The following PPM1F variants were observed in gnomAD, a reference collection of about 807,000 sequenced individuals.
The protein encoded by PPM1F is protein phosphatase, Mg2+/Mn2+ dependent 1F, also known as protein phosphatase 1F.
In PPM1F, 17 loss-of-function variants were observed where a neutral mutation model predicts 35.5. That is an observed-to-expected ratio of 0.48 (90% CI 0.33 to 0.72). The LOEUF is 0.72. Among genes scored for constraint, PPM1F ranks in the 30% least tolerant of loss-of-function variants. PPM1F has a pLI of 0.02. For missense variants in PPM1F, 521 were observed against 613.0 expected, an observed-to-expected ratio of 0.85 and a Z score of 1.59; for synonymous variants, 241 against 255.5, an observed-to-expected ratio of 0.94 and a Z score of 0.54.
At chr22:21,933,643 C>T (rs1379931404) in intron 4 of PPM1F, 64 bp from the exon 5 acceptor site, 13 of 1,440,434 alleles carry the variant, frequency 9.0e-6, no homozygotes, top group Admixed American at 1.8e-5. Context: ...TGGGGCGTGG[C>T]GCCAGGCACT....
At chr22:21,926,827 C>A (rs1174972194) in intron 6 of PPM1F, among the ~76,000 whole-genome samples, 1 of 152,168 alleles carries the variant, frequency 6.6e-6, no homozygotes, top group Non-Finnish European at 1.5e-5. Context: ...ATGGTGTCCC[C>A]TAGACAGATT....
chr22:21,939,873 T>C lies in PPM1F; in HGVS notation c.207-193A>G, dbSNP rs1466064313. Among the ~76,000 whole-genome samples the C allele has an allele frequency of 2.0e-5, 3 of 152,166 alleles. No individual in the cohort carries two copies. Among genetic ancestry groups the C allele is most frequent in the African/African-American group, 4.8e-5 (2 of 41,426 alleles). ...AACCATCTGGTGGGGAGCTGGACCA[T>C]ACTTGAGCCTGCGGCTAGTTGGGAG... On this transcript the variant is annotated intron_variant, in intron 2 of 7. Transcript: ENST00000263212. This position sits in a 1 kb window ranked among gnomAD's most constrained non-coding sequence, Gnocchi z 5.1.
intron 7 of PPM1F, 160 bp downstream of exon 7, chr22:21,925,409 C>T: frequency 8.0e-6 from 5 of 621,960 alleles, no homozygotes; most frequent in Non-Finnish European, 1.5e-5. Flanking sequence ...TGAATCTGCC[C>T]TGTTCCCTTC....
At chr22:21,933,613 G>A (rs747135166) in intron 4 of PPM1F, 34 bp from the exon 5 acceptor site, 20 of 1,582,130 alleles carry the variant, frequency 1.3e-5, no homozygotes, top group South Asian at 7.9e-5. Flanking sequence ...ACAGACCCGC[G>A]GGACCCAGGG....
At chr22:21,937,992 T>C (rs966258507) in intron 3 of PPM1F, 3 of 916,270 alleles carry the variant, frequency 3.3e-6, no homozygotes, top group South Asian at 1.7e-5. Flanking sequence ...TAAGAATGGC[T>C]TGGAGTCCAA....
chr22:21,942,231 A>G (rs1041342785), intron 2 of PPM1F: 2 of 150,806 alleles, frequency 1.3e-5, no homozygotes, highest in Non-Finnish European at 2.9e-5. Context: ...CAAGGTATCT[A>G]CTGATGGTCT....
At position 21,923,253 on chromosome 22, in the gene PPM1F, A is replaced by G; in HGVS notation, c.1204T>C (p.Ser402Pro). ...ELVAAARERG[S>P]HDNITVMVVF... Reference sequence around the variant, plus strand: ...ACCATGACCGTGATGTTGTCGTGGGAGCCCCGCTCCCGGGCCGCAGCCACC... The same window carrying G: ...ACCATGACCGTGATGTTGTCGTGGGGGCCCCGCTCCCGGGCCGCAGCCACC... Residue 402 changes from serine (S) to proline (P), a missense_variant, in exon 8 of 8, where the codon TCC (serine) becomes CCC (proline). By Grantham distance (74) the Ser-to-Pro change is moderately conservative. This residue lies in a region of PPM1F where 163 missense variants were observed against 169.6 expected (regional missense o/e 0.96). Coordinates refer to ENST00000263212, the MANE Select transcript of PPM1F (RefSeq NM_014634.4). The G allele has an allele frequency of 6.2e-7, 1 of 1,612,726 alleles. No homozygotes were observed. The highest frequency in any genetic ancestry group is 8.5e-7 in the Non-Finnish European group (1 of 1,179,784).
In PPM1F at chr22:21,938,249, G is replaced by A. The variant is rs762233381; in HGVS notation, c.355+1283C>T. On this transcript the variant is annotated intron_variant, in intron 3 of 7. Transcript: ENST00000263212. ...CGCGTGGACGGACAGAGACCCATCA[G>A]GCGGGGAGGGCCTGGGCGGTGGCGG... 6.8e-5 allele frequency: 88 copies of A among 1,299,804 alleles called. No homozygotes were observed. In the Middle Eastern group the frequency reaches 9.3e-4, roughly 14 times the overall value. The allele number at this position is 1,299,804 out of a possible 1,614,324, so 80.5% of individuals were successfully genotyped here. A position where few individuals can be genotyped will look rare whatever the true frequency, so the allele number is the denominator to read the frequency against.
In PPM1F at chr22:21,934,199, C is replaced by T. The variant is rs1323390628; in HGVS notation, c.383G>A (p.Ser128Asn). The T allele has an allele frequency of 2.5e-6, 4 of 1,575,530 alleles. No homozygotes were observed. The highest frequency in any genetic ancestry group is 2.3e-5 in the East Asian group (1 of 43,314). ...GACTTCCCAAAGGCGGTTAAAGAAACTCTGTGCCAGGCTTTGGGCATCCAG... is the reference window on the plus strand; with the variant it reads ...GACTTCCCAAAGGCGGTTAAAGAAATTCTGTGCCAGGCTTTGGGCATCCAG... ...TLLDAQSLAQ[S>N]FFNRLWEVAG... The change falls in exon 4 of 8, where the codon AGT becomes AAT. Residue 128 changes from serine (S) to asparagine (N), a missense_variant. Transcript: ENST00000263212.
At chr22:21,928,083 C>A (rs2070542330) in intron 6 of PPM1F, among the ~76,000 whole-genome samples, 1 of 151,228 alleles carries the variant, frequency 6.6e-6, no homozygotes, top group Admixed American at 6.6e-5. Flanking sequence ...CTCCCGACTG[C>A]CCAGCGCCCA....
intron 2 of PPM1F, 52 bp downstream of exon 2, chr22:21,945,791 C>A: frequency 6.4e-7 from 1 of 1,570,266 alleles, no homozygotes; most frequent in South Asian, 1.1e-5. Flanking sequence ...CCCTTGTCGG[C>A]CCTGGTGCCG....
chr22:21,933,668 T>C, intron 4 of PPM1F, 89 bp from the exon 5 acceptor site: 1 of 1,248,786 alleles, frequency 8.0e-7, no homozygotes, highest in Non-Finnish European at 1.1e-6. Context: ...GGGTAGAGTC[T>C]GGGAGAATCA....
chr22:21,951,513 G>A (rs1466578727), intron 1 of PPM1F: 1 of 151,800 alleles, frequency 6.6e-6, no homozygotes, highest in African/African-American at 2.4e-5. Context: ...CTGCCACCAC[G>A]CGCGGCTAAT....
chr22:21,925,549 T>C lies in PPM1F; in HGVS notation c.985+20A>G. 2.5e-6 allele frequency: 4 copies of C among 1,611,242 alleles called. No individual in the cohort carries two copies. Among genetic ancestry groups the C allele is most frequent in the Non-Finnish European group, 3.4e-6 (4 of 1,177,658 alleles). Reference sequence around the variant, plus strand: ...TCCGAGAGACCTTCTCCCACTTGGGTCGGCCTCTTTGGCTCTCACCGATGG... The same window carrying C: ...TCCGAGAGACCTTCTCCCACTTGGGCCGGCCTCTTTGGCTCTCACCGATGG... On this transcript the variant is annotated intron_variant, in intron 7 of 7. Coordinates refer to ENST00000263212, the MANE Select transcript of PPM1F (RefSeq NM_014634.4).
At chr22:21,938,357 C>T (rs768513873) in intron 3 of PPM1F, 7 of 1,182,164 alleles carry the variant, frequency 5.9e-6, no homozygotes, top group Non-Finnish European at 7.5e-6. Flanking sequence ...GAACAATGGC[C>T]GCCTGTCACT....
Position 21,946,123 on chromosome 22 carries a change from C to CA in PPM1F, c.-60-16dup. 1.6e-6 allele frequency: 2 copies of CA among 1,269,280 alleles called. No homozygotes were observed. The highest frequency in any genetic ancestry group is 2.1e-6 in the Non-Finnish European group (2 of 944,664). The allele number at this position is 1,269,280 out of a possible 1,614,324, so 78.6% of individuals were successfully genotyped here. A position where few individuals can be genotyped will look rare whatever the true frequency, so the allele number is the denominator to read the frequency against. ...CAGGCTTCACCCTGGGGAGAAATGT[C>CA]AGAGTCAGCAGAATCAGGGGGCCAT... On this transcript the variant is annotated splice_polypyrimidine_tract_variant and intron_variant, in intron 1 of 7. Coordinates refer to ENST00000263212, the MANE Select transcript of PPM1F (RefSeq NM_014634.4).
rs16979617 is a variant in PPM1F, at chr22:21,919,648, C to T, written c.*3444G>A. 0.04 allele frequency: 6,123 copies of T among 152,410 alleles called. 175 individuals carry two copies. Among genetic ancestry groups the T allele is most frequent in the South Asian group, 0.099 (478 of 4,828 alleles). The allele number at this position is 152,410 out of a possible 1,614,324, so 9.4% of individuals were successfully genotyped here. A position where few individuals can be genotyped will look rare whatever the true frequency, so the allele number is the denominator to read the frequency against. ...GCACTGCACCGGAATGGCAGAGCTCCGTGCATTTGGCAAAGCTATGGAGCC... is the reference window on the plus strand; with the variant it reads ...GCACTGCACCGGAATGGCAGAGCTCTGTGCATTTGGCAAAGCTATGGAGCC... On this transcript the variant is annotated 3_prime_UTR_variant, in exon 8 of 8. Transcript: ENST00000263212.
rs115712281 is a variant in PPM1F at position 21,938,414 on chromosome 22, A to G, written c.355+1118T>C. ...TAAGGCAAGGCTGCGCTCCCAGGGA[A>G]TGCGGGCAGGGAGCCAGGGCGGAGG... is the stretch of plus-strand genomic sequence containing the variant. On this transcript the variant is annotated intron_variant, in intron 3 of 7. Coordinates refer to ENST00000263212, the MANE Select transcript of PPM1F (RefSeq NM_014634.4). 3.9e-4 allele frequency: 452 copies of G among 1,158,038 alleles called. 7 individuals are homozygous for G. In the African/African-American group the frequency reaches 6.5e-3, roughly 17 times the overall value. The allele number at this position is 1,158,038 out of a possible 1,614,324, so 71.7% of individuals were successfully genotyped here.
rs762576822 is a variant in PPM1F at position 21,939,994 on chromosome 22, C to G, written c.207-314G>C. Among the ~76,000 whole-genome samples, 4 of 152,176 alleles carry G rather than the reference C, an allele frequency of 2.6e-5. No homozygotes were observed. Among genetic ancestry groups the G allele is most frequent in the Non-Finnish European group, 5.9e-5 (4 of 68,016 alleles). ...AGGAATCACCCATGCCAGCTGGGGACCCTGGGGGGTGGGGAGTGTTCTGGG... is the reference window on the plus strand; with the variant it reads ...AGGAATCACCCATGCCAGCTGGGGAGCCTGGGGGGTGGGGAGTGTTCTGGG... On this transcript the variant is annotated intron_variant, in intron 2 of 7. Transcript: ENST00000263212. The surrounding 1 kb of genome is among the most constrained non-coding windows in gnomAD (Gnocchi z 5.1).
Sources: allele counts gnomAD v4.1 joint callset (sites outside exome capture counted in the v4.1 genomes callset), GRCh38; gene constraint gnomAD v4.1.1; regional missense constraint gnomAD v4.1.1; non-coding constraint Gnocchi (gnomAD v3.1); transcripts MANE v1.5; gene names NCBI Gene and HGNC (gene_info 2026-07-23, HGNC 2026-07-21).